The following SPOCK1 variants were observed in gnomAD, a reference collection of about 807,000 sequenced individuals.
SPOCK1 encodes testican-1.
A neutral mutation model predicts 55.3 loss-of-function variants in SPOCK1; 23 were observed. The ratio of observed to expected loss-of-function variants is 0.42; its 90% CI spans 0.30 to 0.59. SPOCK1 has a LOEUF of 0.59. SPOCK1 is among the 20% of genes least tolerant of loss of function. The pLI is 0.22. For synonymous variants in SPOCK1, 226 were observed against 221.0 expected, an observed-to-expected ratio of 1.02 and a Z score of -0.20; for missense variants, 499 against 552.5, an observed-to-expected ratio of 0.90 and a Z score of 0.97.
chr5:137,485,278 T>C (rs1754032518), intron 2 of SPOCK1, among the ~76,000 whole-genome samples: 1 of 152,216 alleles, frequency 6.6e-6, no homozygotes, highest in Non-Finnish European at 1.5e-5. Context: ...CCATTGTATC[T>C]TTAACCGTGT....
At chr5:137,441,565 T>G (rs1365024064) in intron 2 of SPOCK1, among the ~76,000 whole-genome samples, 2 of 152,144 alleles carry the variant, frequency 1.3e-5, no homozygotes, top group East Asian at 1.9e-4. Context: ...CTCCCTGGCA[T>G]GTAGGAAGGG....
chr5:137,149,839 G>A (rs1266078381), intron 3 of SPOCK1, among the ~76,000 whole-genome samples: 1 of 152,178 alleles, frequency 6.6e-6, no homozygotes, highest in African/African-American at 2.4e-5. Flanking sequence ...AGTTTGAGAG[G>A]AGAGAGGCAG....
intron 6 of SPOCK1, among the ~76,000 whole-genome samples, chr5:137,058,550 G>A (rs577606812): frequency 1.3e-5 from 2 of 152,184 alleles, no homozygotes; most frequent in Non-Finnish European, 2.9e-5. Flanking sequence ...ACATTTGTCA[G>A]TCATTGAAAA....
At chr5:137,171,742 C>T (rs796631496) in intron 3 of SPOCK1, among the ~76,000 whole-genome samples, 7 of 152,294 alleles carry the variant, frequency 4.6e-5, no homozygotes, top group East Asian at 1.9e-4. Flanking sequence ...CTGCAGAACT[C>T]GTTTCCTATG....
At chr5:137,402,422 T>A (rs1752002284) in intron 2 of SPOCK1, among the ~76,000 whole-genome samples, 1 of 152,266 alleles carries the variant, frequency 6.6e-6, no homozygotes, top group African/African-American at 2.4e-5. Flanking sequence ...TAAATGTCAT[T>A]TCTTATTGAC....
chr5:137,421,985 C>T (rs1415403016), intron 2 of SPOCK1, among the ~76,000 whole-genome samples: 1 of 152,186 alleles, frequency 6.6e-6, no homozygotes, highest in East Asian at 1.9e-4. Context: ...TCTTGTAGGG[C>T]AGGCCTGGTA....
chr5:136,975,830 C>A lies in SPOCK1; in HGVS notation c.*2824G>T, dbSNP rs538904028. ...ATACATTCATATGGCAAATAACTAA[C>A]CATGGTGGAACAAAATTCTGGGATT... is the stretch of plus-strand genomic sequence containing the variant. On this transcript the variant is annotated 3_prime_UTR_variant, in exon 11 of 11. Coordinates refer to ENST00000394945, the MANE Select transcript of SPOCK1 (RefSeq NM_004598.4). The A allele has an allele frequency of 6.6e-6, 1 of 152,090 alleles. No individual in the cohort carries two copies. Among genetic ancestry groups the A allele is most frequent in the Non-Finnish European group, 1.5e-5 (1 of 68,028 alleles). 9.4% of individuals were successfully genotyped at this position (152,090 alleles called of 1,614,324 possible).
intron 2 of SPOCK1, among the ~76,000 whole-genome samples, chr5:137,462,210 T>C (rs1163405316): frequency 6.6e-6 from 1 of 152,212 alleles, no homozygotes; most frequent in Non-Finnish European, 1.5e-5. Flanking sequence ...TTTTCTTTTA[T>C]TTTTCACTGA....
intron 6 of SPOCK1, among the ~76,000 whole-genome samples, chr5:137,034,919 G>A (rs1027925853): frequency 1.3e-5 from 2 of 152,220 alleles, no homozygotes; most frequent in East Asian, 1.9e-4. Context: ...GGGCACATGC[G>A]GGCGGCCCAG....
intron 3 of SPOCK1, among the ~76,000 whole-genome samples, chr5:137,170,587 T>TTC (rs56347412): frequency 0.35 from 49,730 of 142,278 alleles, 9,556 homozygotes; most frequent in Non-Finnish European, 0.43. Context: ...AGCCTGTTAT[T>TTC]TCTCTCTCTC....
chr5:137,245,894 G>C (rs1756386659), intron 3 of SPOCK1, among the ~76,000 whole-genome samples: 3 of 152,072 alleles, frequency 2.0e-5, no homozygotes, highest in Admixed American at 1.3e-4. Flanking sequence ...AAAAGGCTTT[G>C]AGAAGTCCAG....
intron 3 of SPOCK1, among the ~76,000 whole-genome samples, chr5:137,194,225 A>G (rs1044130621): frequency 6.6e-6 from 1 of 152,266 alleles, no homozygotes; most frequent in African/African-American, 2.4e-5. Flanking sequence ...AGAGATGGCT[A>G]CAATAGCAAC....
intron 2 of SPOCK1, among the ~76,000 whole-genome samples, chr5:137,271,551 T>C (rs1204183819): frequency 2.6e-5 from 4 of 152,176 alleles, no homozygotes; most frequent in African/African-American, 9.6e-5. Flanking sequence ...GGTGATTAAG[T>C]CTCTTCATCA....
At chr5:137,213,233 C>G (rs1755651309) in intron 3 of SPOCK1, among the ~76,000 whole-genome samples, 1 of 152,160 alleles carries the variant, frequency 6.6e-6, no homozygotes, top group African/African-American at 2.4e-5. Context: ...TGCACATGTT[C>G]ATTACAACTA....
At chr5:137,149,719 G>T (rs1205099552) in intron 3 of SPOCK1, among the ~76,000 whole-genome samples, 6 of 152,192 alleles carry the variant, frequency 3.9e-5, no homozygotes, top group Admixed American at 1.3e-4. Flanking sequence ...CAGCAGCCAT[G>T]GTTGTTGATC....
chr5:137,093,898 G>A (rs560742819), intron 5 of SPOCK1, among the ~76,000 whole-genome samples: 6 of 152,302 alleles, frequency 3.9e-5, no homozygotes, highest in East Asian at 3.9e-4. Context: ...TAAGTGAGGG[G>A]AAAGGAATAG....
chr5:137,166,970 A>G (rs1445318208), intron 3 of SPOCK1, among the ~76,000 whole-genome samples: 2 of 152,100 alleles, frequency 1.3e-5, no homozygotes, highest in Admixed American at 6.6e-5. Context: ...TTTATTTATC[A>G]ATAATAACAT....
At chr5:137,166,816 A>G (rs548096431) in intron 3 of SPOCK1, among the ~76,000 whole-genome samples, 71 of 152,218 alleles carry the variant, frequency 4.7e-4, no homozygotes, top group African/African-American at 1.6e-3. Context: ...CATATGATGA[A>G]TACACAAAAA....
At chr5:137,120,801 T>G (rs1753670509) in intron 4 of SPOCK1, among the ~76,000 whole-genome samples, 1 of 152,222 alleles carries the variant, frequency 6.6e-6, no homozygotes, top group Non-Finnish European at 1.5e-5. Flanking sequence ...TACATGCTGC[T>G]GGACTCACAC....
Sources: allele counts gnomAD v4.1 joint callset (sites outside exome capture counted in the v4.1 genomes callset), GRCh38; gene constraint gnomAD v4.1.1; transcripts MANE v1.5; gene names NCBI Gene and HGNC (gene_info 2026-07-23, HGNC 2026-07-21).